MYO7A: variants seen among roughly 807,000 people sequenced by gnomAD.
MYO7A encodes the protein myosin VIIA.
A neutral mutation model predicts 263.8 loss-of-function variants in MYO7A; 210 were observed. That is an observed-to-expected ratio of 0.80 (90% CI 0.71 to 0.89). The LOEUF (loss-of-function observed/expected upper bound fraction) is 0.89. MYO7A is among the 40% of genes least tolerant of loss of function. MYO7A has a pLI of 0.00. For synonymous variants in MYO7A, 1,239 were observed against 1,197.3 expected (o/e 1.03, Z -0.72); for missense variants, 2,820 against 2,968.3 (o/e 0.95, Z 1.16).
Position 77,157,263 on chromosome 11 carries a change from G to A in MYO7A, c.736-16G>A. On this transcript the variant is annotated splice_polypyrimidine_tract_variant and intron_variant, in intron 7 of 48. Coordinates refer to ENST00000409709, the MANE Select transcript of MYO7A (RefSeq NM_000260.4). ...CCCTCCTCCCCTGGCCCCCAGCACT[G>A]TGCCCACATTTTCAGGCCCTGGATG... 2.5e-6 allele frequency: 4 copies of A among 1,592,026 alleles called. No homozygotes were observed. Among genetic ancestry groups the A allele is most frequent in the South Asian group, 1.1e-5 (1 of 88,638 alleles).
At chr11:77,174,709 C>A (rs1413352728) in intron 16 of MYO7A, 47 bp from the exon 17 acceptor site, 4 of 1,535,262 alleles carry the variant, frequency 2.6e-6, no homozygotes, top group African/African-American at 1.4e-5. Context: ...AGGGCTGCCT[C>A]CCAGCAGGAG....
At position 77,157,232 on chromosome 11, in the gene MYO7A, C is replaced by A. The variant is rs3737454; in HGVS notation, c.736-47C>A. ...TCCCAGGCTAGTTCCTGATGGCCTC[C>A]TCTGGCCCTCCTCCCCTGGCCCCCA... On this transcript the variant is annotated intron_variant, in intron 7 of 48. Transcript: ENST00000409709. 0.076 allele frequency: 113,130 copies of A among 1,491,962 alleles called. 6,582 individuals carry two copies. The highest frequency in any genetic ancestry group is 0.28 in the East Asian group (11,863 of 42,388). 92.4% of individuals were successfully genotyped at this position (1,491,962 alleles called of 1,614,324 possible). A position where few individuals can be genotyped will look rare whatever the true frequency, so the allele number is the denominator to read the frequency against.
chr11:77,197,072 G>T (rs1238007359), intron 32 of MYO7A, among the ~76,000 whole-genome samples: 1 of 152,100 alleles, frequency 6.6e-6, no homozygotes, highest in Non-Finnish European at 1.5e-5. Context: ...GGCTCCGCAC[G>T]CTGTGTCCCC....
rs1956127811 is a variant in MYO7A, at chr11:77,192,088, A to T, written c.3962A>T (p.Asp1321Val). The T allele has an allele frequency of 6.2e-7, 1 of 1,613,610 alleles. No individual in the cohort carries two copies. The highest frequency in any genetic ancestry group is 1.7e-5 in the Admixed American group (1 of 60,002). Reference sequence around the variant, plus strand: ...GGCAGCGGCAGTGACCACGTCATGGACGCCATCTCCCAGTGCGAGCAGTAC... The same window carrying T: ...GGCAGCGGCAGTGACCACGTCATGGTCGCCATCTCCCAGTGCGAGCAGTAC... ...SLGSGSDHVM[D>V]AISQCEQYAK... Residue 1321 changes from aspartate (D) to valine (V), a missense_variant, in exon 31 of 49, where the codon GAC becomes GTC. Transcript: ENST00000409709.
At chr11:77,204,680 G>A (rs1957316043) in intron 39 of MYO7A, among the ~76,000 whole-genome samples, 1 of 152,202 alleles carries the variant, frequency 6.6e-6, no homozygotes. Flanking sequence ...CGCTGGGACA[G>A]CCCAAGACAG....
At chr11:77,159,402 T>TGGGG in intron 9 of MYO7A, 45 bp from the exon 10 acceptor site, 12 of 839,842 alleles carry the variant, frequency 1.4e-5, no homozygotes, top group Non-Finnish European at 2.5e-5. Flanking sequence ...TTGCCCCTGT[T>TGGGG]GCCCACCCTC....
intron 1 of MYO7A, among the ~76,000 whole-genome samples, chr11:77,129,601 G>A (rs1305588417): frequency 2.0e-5 from 3 of 152,174 alleles, no homozygotes; most frequent in African/African-American, 7.2e-5. Flanking sequence ...GCCACATCCT[G>A]CCCTGGATCA....
chr11:77,164,697 A>G (rs1440503402), intron 14 of MYO7A, among the ~76,000 whole-genome samples: 2 of 152,236 alleles, frequency 1.3e-5, no homozygotes, highest in Non-Finnish European at 2.9e-5. Context: ...TTCAACCAAT[A>G]TGCTCTTAGC....
chr11:77,202,370 C>A lies in MYO7A; in HGVS notation c.5114C>A (p.Pro1705His). 1 of 1,561,942 alleles carries A rather than the reference C, an allele frequency of 6.4e-7. No homozygotes were observed. The highest frequency in any genetic ancestry group is 8.7e-7 in the Non-Finnish European group (1 of 1,152,614). The change falls in exon 37 of 49, where the codon CCC becomes CAC. Residue 1705 changes from proline to histidine, a missense_variant. Physicochemically the swap from Pro to His is moderately conservative, Grantham distance 77. Coordinates refer to ENST00000409709, the MANE Select transcript of MYO7A (RefSeq NM_000260.4). ...VRLLQLRTAEPEVRAKPYTLE... is the reference protein window; with the variant it reads ...VRLLQLRTAEHEVRAKPYTLE... ...CTCTTGCAGCTGCGAACGGCGGAGCCCGAGGTGCGTGCCAAGCCCTACACG... is the reference window on the plus strand; with the variant it reads ...CTCTTGCAGCTGCGAACGGCGGAGCACGAGGTGCGTGCCAAGCCCTACACG...
At chr11:77,148,002 G>A (rs1479293366) in intron 4 of MYO7A, 52 bp downstream of exon 4, 91 of 1,175,576 alleles carry the variant, frequency 7.7e-5, no homozygotes, top group African/African-American at 7.4e-5. Flanking sequence ...GCCCCGCCCC[G>A]CCCACCTCGC....
chr11:77,145,011 C>T (rs781862350), intron 3 of MYO7A, among the ~76,000 whole-genome samples: 1 of 152,146 alleles, frequency 6.6e-6, no homozygotes, highest in Non-Finnish European at 1.5e-5. Context: ...ACACTTTGGC[C>T]CCCGGTAGGT....
chr11:77,142,433 G>GCCGTAT, intron 2 of MYO7A: 1 of 369,368 alleles, frequency 2.7e-6, no homozygotes, highest in Non-Finnish European at 5.3e-6. Context: ...GGAGAGCTGG[G>GCCGTAT]CTTTGAGAGG....
intron 3 of MYO7A, 51 bp downstream of exon 3, chr11:77,142,873 G>T: frequency 1.4e-6 from 2 of 1,411,770 alleles, no homozygotes; most frequent in Non-Finnish European, 2.0e-6. Flanking sequence ...TCAGACCTGG[G>T]CTGACAGCTG....
intron 23 of MYO7A, 69 bp from the exon 24 acceptor site, chr11:77,181,882 T>C (rs1955250112): frequency 1.4e-6 from 2 of 1,448,098 alleles, no homozygotes; most frequent in Non-Finnish European, 1.9e-6. Flanking sequence ...ACTTCTGGGC[T>C]CAGGCGATCC....
At chr11:77,157,656 G>A (rs1160664147) in intron 8 of MYO7A, among the ~76,000 whole-genome samples, 4 of 152,096 alleles carry the variant, frequency 2.6e-5, no homozygotes, top group African/African-American at 9.7e-5. Context: ...ATGTCTGGTT[G>A]CCTGGGCTGG....
chr11:77,184,758 T>C, intron 27 of MYO7A, 43 bp downstream of exon 27: 1 of 1,583,554 alleles, frequency 6.3e-7, no homozygotes, highest in Non-Finnish European at 8.6e-7. Context: ...GAAAGTCTTT[T>C]GGTGGCTGAG....
chr11:77,202,179 G>T (rs937117956), intron 36 of MYO7A, 121 bp from the exon 37 acceptor site: 148 of 1,283,876 alleles, frequency 1.2e-4, no homozygotes, highest in Non-Finnish European at 1.5e-4. Flanking sequence ...GTCAGAATGG[G>T]GCATGGGGTC....
chr11:77,181,020 T>C (rs1955134756), intron 22 of MYO7A, among the ~76,000 whole-genome samples: 1 of 152,278 alleles, frequency 6.6e-6, no homozygotes, highest in Non-Finnish European at 1.5e-5. Flanking sequence ...TCCTTTTTGC[T>C]TTTTAAAACG....
intron 1 of MYO7A, among the ~76,000 whole-genome samples, chr11:77,129,679 A>G (rs1950708448): frequency 6.6e-6 from 1 of 152,144 alleles, no homozygotes; most frequent in Non-Finnish European, 1.5e-5. Flanking sequence ...TATAGTCAAA[A>G]TGGGATAAAG....
Sources: gnomAD v4.1 joint callset for allele counts (sites outside exome capture counted in the v4.1 genomes callset) on GRCh38, gnomAD v4.1.1 for gene constraint, MANE v1.5 for transcripts, NCBI Gene and HGNC (gene_info 2026-07-23, HGNC 2026-07-21) for gene names.